Variants in JARID2 observed in about 807,000 individuals in gnomAD.
JARID2 encodes the protein protein Jumonji.
In JARID2, 21 loss-of-function variants were observed where a neutral mutation model predicts 125.6. That is an observed-to-expected ratio of 0.17 (90% CI 0.12 to 0.24). The LOEUF (loss-of-function observed/expected upper bound fraction) is 0.24, where lower values mean the gene tolerates loss of function less well. JARID2 is among the 10% of genes least tolerant of loss of function. The pLI is 1.00. For missense variants in JARID2, 1,303 were observed against 1,639.6 expected, an observed-to-expected ratio of 0.79 and a Z score of 3.55; for synonymous variants, 736 against 661.6, an observed-to-expected ratio of 1.11 and a Z score of -1.73.
At chr6:15,429,214 A>T (rs1445166786) in intron 3 of JARID2, among the ~76,000 whole-genome samples, 1 of 151,928 alleles carries the variant, frequency 6.6e-6, no homozygotes, top group Non-Finnish European at 1.5e-5. Context: ...TGTGTAAACA[A>T]ATTCTAAGAG....
At chr6:15,365,335 G>A (rs144624952) in intron 1 of JARID2, among the ~76,000 whole-genome samples, 5 of 152,266 alleles carry the variant, frequency 3.3e-5, no homozygotes, top group South Asian at 2.1e-4. Flanking sequence ...AAAGCGAACC[G>A]TCAGATCCAG....
At position 15,496,425 on chromosome 6, in the gene JARID2, T is replaced by C. The variant is rs1230303669; in HGVS notation, c.1200T>C (p.Thr400=). Residue 400 remains threonine (T), a synonymous_variant, in exon 7 of 18, where the codon ACT becomes ACC. Transcript: ENST00000341776. ...CCCTCGGGGGGGCGTCCAAGTCCAC[T>C]GGGCCCGCCGTCAATGGCCTCAAGG... ...VLSLGGASKS[T]GPAVNGLKVS... is the part of the protein sequence containing the mutation. 1.4e-5 allele frequency: 23 copies of C among 1,613,276 alleles called. No homozygotes were observed. The highest frequency in any genetic ancestry group is 2.7e-5 in the African/African-American group (2 of 74,848).
intron 1 of JARID2, among the ~76,000 whole-genome samples, chr6:15,317,896 C>T (rs1762229916): frequency 6.6e-6 from 1 of 152,200 alleles, no homozygotes; most frequent in African/African-American, 2.4e-5. Flanking sequence ...TAGGCGTCCC[C>T]TCTTCTCCTG....
intron 4 of JARID2, among the ~76,000 whole-genome samples, chr6:15,458,761 G>A (rs1035908552): frequency 2.6e-5 from 4 of 152,210 alleles, no homozygotes; most frequent in Admixed American, 1.3e-4. Flanking sequence ...GGGTCTCCGC[G>A]TTACAGTGCA....
intron 17 of JARID2, among the ~76,000 whole-genome samples, chr6:15,518,687 G>T (rs1221535378): frequency 1.3e-5 from 2 of 152,136 alleles, no homozygotes; most frequent in Admixed American, 6.5e-5. Flanking sequence ...TTACCATGTT[G>T]GTCAGGCTGG....
intron 3 of JARID2, 59 bp downstream of exon 3, chr6:15,410,424 C>G: frequency 1.3e-6 from 2 of 1,520,970 alleles, no homozygotes; most frequent in Non-Finnish European, 1.8e-6. Context: ...AACTCAGGTG[C>G]CAGTTTTCAC....
At chr6:15,474,273 TA>T (rs1028281028) in intron 5 of JARID2, among the ~76,000 whole-genome samples, 19 of 152,354 alleles carry the variant, frequency 1.2e-4, no homozygotes, top group African/African-American at 4.6e-4. Context: ...CTTTCAAAAT[TA>T]AATATTCTCA....
At chr6:15,508,532 T>C (rs2127758330) in intron 12 of JARID2, 78 bp downstream of exon 12, 1 of 817,706 alleles carries the variant, frequency 1.2e-6, no homozygotes. Flanking sequence ...TGTGGGTAAC[T>C]TCTTGTCCAG....
intron 3 of JARID2, among the ~76,000 whole-genome samples, chr6:15,443,028 T>C (rs1002555551): frequency 6.6e-6 from 1 of 152,124 alleles, no homozygotes; most frequent in Non-Finnish European, 1.5e-5. Flanking sequence ...AGTGCTATTA[T>C]CTTCGATTTT....
chr6:15,297,378 G>A (rs1281163240), intron 1 of JARID2, among the ~76,000 whole-genome samples: 2 of 151,864 alleles, frequency 1.3e-5, no homozygotes, highest in Non-Finnish European at 2.9e-5. Context: ...TTGAACTCCT[G>A]ACCTCATGAT....
At chr6:15,261,866 C>T (rs1220546721) in intron 1 of JARID2, among the ~76,000 whole-genome samples, 1 of 150,230 alleles carries the variant, frequency 6.7e-6, no homozygotes, top group Admixed American at 6.6e-5. Context: ...TCACCACGAC[C>T]TCCACCTCCC....
chr6:15,433,972 CAGG>C (rs1369042527), intron 3 of JARID2, among the ~76,000 whole-genome samples: 3 of 76,782 alleles, frequency 3.9e-5, no homozygotes, highest in South Asian at 4.2e-4. Flanking sequence ...GTGTGTGTGT[CAGG>C]AGTAGAATAG....
intron 1 of JARID2, among the ~76,000 whole-genome samples, chr6:15,335,992 G>A (rs1330612918): frequency 6.6e-6 from 1 of 152,172 alleles, no homozygotes; most frequent in African/African-American, 2.4e-5. Context: ...AGGCTAAGGT[G>A]GAAGGATTGC....
Position 15,451,948 on chromosome 6 carries a change from A to T in JARID2, c.324-58A>T, listed in dbSNP as rs1767938886. 9.8e-6 allele frequency: 15 copies of T among 1,523,278 alleles called. No homozygotes were observed. In the South Asian group the frequency reaches 1.8e-4, roughly 18 times the overall value. The allele number at this position is 1,523,278 out of a possible 1,614,324, so 94.4% of individuals were successfully genotyped here. A position where few individuals can be genotyped will look rare whatever the true frequency, so the allele number is the denominator to read the frequency against. On this transcript the variant is annotated intron_variant, in intron 3 of 17. Coordinates refer to ENST00000341776, the MANE Select transcript of JARID2 (RefSeq NM_004973.4). ...GTGTCATGATTTTATTGCCGCACGTAGGCCTATATCCTCCAGTCTCTGCTT... is the reference window on the plus strand; with the variant it reads ...GTGTCATGATTTTATTGCCGCACGTTGGCCTATATCCTCCAGTCTCTGCTT...
At chr6:15,480,612 G>C (rs995413572) in intron 5 of JARID2, among the ~76,000 whole-genome samples, 1 of 152,180 alleles carries the variant, frequency 6.6e-6, no homozygotes, top group African/African-American at 2.4e-5. Context: ...TTCACATGTG[G>C]ATCTTTGCCA....
At chr6:15,474,020 T>C (rs558687424) in intron 5 of JARID2, among the ~76,000 whole-genome samples, 1 of 152,362 alleles carries the variant, frequency 6.6e-6, no homozygotes, top group African/African-American at 2.4e-5. Flanking sequence ...GAGCTCTCAG[T>C]AGCTGGCTAG....
At chr6:15,401,024 TC>T in intron 2 of JARID2, 1 of 1,289,378 alleles carries the variant, frequency 7.8e-7, no homozygotes, top group Non-Finnish European at 1.0e-6. Context: ...GAAGGTCTGT[TC>T]CTATAAATAA....
rs573215529 is a variant in JARID2 at position 15,394,125 on chromosome 6, G to A, written c.182-16099G>A. 8.5e-5 allele frequency among the ~76,000 whole-genome samples: 13 copies of A among 152,226 alleles called. No individual in the cohort carries two copies. In the East Asian group the frequency reaches 2.5e-3, roughly 29 times the overall value. On this transcript the variant is annotated intron_variant, in intron 2 of 17. Transcript: ENST00000341776. ...TTGTAAAGTATATGAGCTATGTCTA[G>A]TCTAATAATTTCAAACATAAAGAGA...
At chr6:15,371,435 A>G (rs1020356864) in intron 1 of JARID2, among the ~76,000 whole-genome samples, 1 of 152,216 alleles carries the variant, frequency 6.6e-6, no homozygotes, top group Admixed American at 6.5e-5. Flanking sequence ...GTGGTGATGA[A>G]GAGAATTCTG....
Sources: gnomAD v4.1 joint callset for allele counts (sites outside exome capture counted in the v4.1 genomes callset) on GRCh38, gnomAD v4.1.1 for gene constraint, MANE v1.5 for transcripts, NCBI Gene and HGNC (gene_info 2026-07-23, HGNC 2026-07-21) for gene names.